Variants in CFAP20DC observed in about 807,000 individuals in gnomAD.
CFAP20DC encodes CFAP20 domain containing.
CFAP20DC carries 84 observed loss-of-function variants against 101.7 expected under a neutral mutation model. That is an observed-to-expected ratio of 0.83 (90% CI 0.69 to 0.99). The LOEUF (loss-of-function observed/expected upper bound fraction) is 0.99, where lower values mean the gene tolerates loss of function less well. Ranked by LOEUF, CFAP20DC falls within the 50% of genes least tolerant of loss-of-function variation. CFAP20DC has a pLI of 0.00. For synonymous variants in CFAP20DC, 359 were observed against 351.2 expected, an observed-to-expected ratio of 1.02 and a Z score of -0.25; for missense variants, 1,007 against 970.3, an observed-to-expected ratio of 1.04 and a Z score of -0.50.
chr3:58,724,562 A>G lies in CFAP20DC; in HGVS notation c.198-6934T>C, dbSNP rs901838321. On this transcript the variant is annotated intron_variant, in intron 3 of 3. Transcript: ENST00000486145. The surrounding 1 kb of genome is among the most constrained non-coding windows in gnomAD (Gnocchi z 5.6). ...GTTAAAGATATGCTGTTTGAGCACA[A>G]AGGAGATTCGTTTAAATCACTCTTG... 1.3e-5 allele frequency among the ~76,000 whole-genome samples: 2 copies of G among 152,200 alleles called. No homozygotes were observed. The highest frequency in any genetic ancestry group is 2.9e-5 in the Non-Finnish European group (2 of 68,040).
At chr3:58,751,860 C>T (rs1159557138) in intron 16 of CFAP20DC, among the ~76,000 whole-genome samples, 1 of 150,810 alleles carries the variant, frequency 6.6e-6, no homozygotes, top group Non-Finnish European at 1.5e-5. Context: ...CACACACACA[C>T]ACACACAAAA....
rs527992373 is a variant in CFAP20DC, at chr3:58,771,661, T to C, written c.2238-17798A>G. Among the ~76,000 whole-genome samples the C allele has an allele frequency of 3.6e-4, 55 of 152,354 alleles. No individual in the cohort carries two copies. The East Asian group carries it at 9.8e-3, about 27-fold the overall frequency. On this transcript the variant is annotated intron_variant, in intron 15 of 16. Coordinates refer to ENST00000482387, the MANE Select transcript of CFAP20DC (RefSeq NM_001394063.1). ...TTTTCCCTGAGAAGGACATTCTTCC[T>C]GTACCAGGAGAGGAGAACATTCTTA...
intron 15 of CFAP20DC, among the ~76,000 whole-genome samples, chr3:58,757,093 C>T (rs1265593480): frequency 6.6e-6 from 1 of 151,966 alleles, no homozygotes; most frequent in Non-Finnish European, 1.5e-5. Flanking sequence ...GTGGGATTCC[C>T]AGAACAAAAG....
chr3:58,846,008 G>A (rs1363205996), intron 13 of CFAP20DC, among the ~76,000 whole-genome samples: 141 of 150,994 alleles, frequency 9.3e-4, no homozygotes, highest in Middle Eastern at 6.8e-3. Flanking sequence ...TTGATGGGAC[G>A]TATTTCAAAA....
At chr3:59,024,265 T>C (rs2093854102) in intron 4 of CFAP20DC, among the ~76,000 whole-genome samples, 1 of 152,176 alleles carries the variant, frequency 6.6e-6, no homozygotes, top group African/African-American at 2.4e-5. Context: ...TGTACTACCA[T>C]GGCAGGTACT....
chr3:58,820,229 G>T (rs1321525942), intron 14 of CFAP20DC, among the ~76,000 whole-genome samples: 10 of 149,798 alleles, frequency 6.7e-5, no homozygotes, highest in Non-Finnish European at 1.5e-4. Flanking sequence ...TTGAAAACTG[G>T]CACAAGACAG....
At chr3:58,807,119 T>A (rs2074144655) in intron 14 of CFAP20DC, among the ~76,000 whole-genome samples, 1 of 152,202 alleles carries the variant, frequency 6.6e-6, no homozygotes, top group African/African-American at 2.4e-5. Flanking sequence ...CCTGCCTCTG[T>A]AGGCTCCACC....
At chr3:58,917,976 C>G (rs2084919740) in intron 5 of CFAP20DC, among the ~76,000 whole-genome samples, 1 of 152,120 alleles carries the variant, frequency 6.6e-6, no homozygotes, top group African/African-American at 2.4e-5. Flanking sequence ...ATGTGTACCT[C>G]CCAATTCCTA....
At chr3:58,931,560 C>T (rs1276208372) in intron 5 of CFAP20DC, among the ~76,000 whole-genome samples, 1 of 152,220 alleles carries the variant, frequency 6.6e-6, no homozygotes, top group African/African-American at 2.4e-5. Context: ...CGGGCGGGTA[C>T]TCCTCTGAGA....
chr3:58,989,188 T>C (rs565938713), intron 4 of CFAP20DC, among the ~76,000 whole-genome samples: 84 of 152,116 alleles, frequency 5.5e-4, no homozygotes, highest in African/African-American at 1.8e-3. Context: ...TTACTAAAAT[T>C]AGGACTAGTT....
intron 16 of CFAP20DC, among the ~76,000 whole-genome samples, chr3:58,747,692 G>A (rs1468717347): frequency 2.0e-5 from 3 of 151,052 alleles, no homozygotes; most frequent in Admixed American, 2.0e-4. Flanking sequence ...GGAGCAGTCA[G>A]CCTTAGGATC....
chr3:58,852,434 A>G (rs1037098429), intron 12 of CFAP20DC, among the ~76,000 whole-genome samples: 2 of 151,868 alleles, frequency 1.3e-5, no homozygotes, highest in Non-Finnish European at 1.5e-5. Context: ...GATCAACGAG[A>G]CAGAAAGTCA....
At chr3:58,907,753 A>T (rs1306357229) in intron 6 of CFAP20DC, among the ~76,000 whole-genome samples, 1 of 152,172 alleles carries the variant, frequency 6.6e-6, no homozygotes, top group Non-Finnish European at 1.5e-5. Context: ...ATTTTACCTA[A>T]TCAAGGCATA....
intron 14 of CFAP20DC, among the ~76,000 whole-genome samples, chr3:58,821,711 T>C (rs1343340768): frequency 1.3e-5 from 2 of 151,526 alleles, no homozygotes; most frequent in African/African-American, 4.9e-5. Context: ...TGTAAACTAG[T>C]TCAACCACTG....
intron 4 of CFAP20DC, among the ~76,000 whole-genome samples, chr3:58,944,810 A>G (rs981303561): frequency 2.0e-5 from 3 of 152,092 alleles, no homozygotes; most frequent in African/African-American, 7.2e-5. Flanking sequence ...TCCATCCATG[A>G]TCCTGTGTAA....
chr3:59,028,806 T>G lies in CFAP20DC; in HGVS notation c.278+10751A>C, dbSNP rs2093937386. On this transcript the variant is annotated intron_variant, in intron 4 of 16. Coordinates refer to ENST00000482387, the MANE Select transcript of CFAP20DC (RefSeq NM_001394063.1). ...AGTGCTTAGAACAATGCTGATGTCA[T>G]AAGTGCTTAATGTTAGCCATTATTA... 2.0e-5 allele frequency among the ~76,000 whole-genome samples: 3 copies of G among 152,358 alleles called. No individual in the cohort carries two copies. The South Asian group carries it at 6.2e-4, about 32-fold the overall frequency.
chr3:58,992,444 C>T, intron 4 of CFAP20DC: 1 of 418,220 alleles, frequency 2.4e-6, no homozygotes, highest in Non-Finnish European at 3.2e-6. Context: ...GCACTATGTA[C>T]AGTCAGTTGA....
intron 13 of CFAP20DC, among the ~76,000 whole-genome samples, chr3:58,840,396 A>C (rs1464313708): frequency 6.6e-6 from 1 of 152,230 alleles, no homozygotes; most frequent in Non-Finnish European, 1.5e-5. Flanking sequence ...GAAGCTACAC[A>C]TCTGCAATTT....
chr3:58,776,005 G>T (rs1039865577), intron 15 of CFAP20DC, among the ~76,000 whole-genome samples: 1 of 151,980 alleles, frequency 6.6e-6, no homozygotes, highest in Admixed American at 6.6e-5. Context: ...GCCTCCTAAA[G>T]TGCTGGGATT....
Sources: gnomAD v4.1 joint callset for allele counts (sites outside exome capture counted in the v4.1 genomes callset) on GRCh38, gnomAD v4.1.1 for gene constraint, Gnocchi (gnomAD v3.1) non-coding constraint, MANE v1.5 for transcripts, NCBI Gene and HGNC (gene_info 2026-07-23, HGNC 2026-07-21) for gene names.